Variants in TFAP2E observed in about 807,000 individuals in gnomAD.
TFAP2E encodes the protein transcription factor AP-2-epsilon.
In TFAP2E, 30 loss-of-function variants were observed where a neutral mutation model predicts 37.9. The observed-to-expected ratio is 0.79, with a 90% confidence interval of 0.59 to 1.07. The LOEUF is 1.07. TFAP2E is among the 50% of genes least tolerant of loss of function. TFAP2E has a pLI of 0.00. For synonymous variants in TFAP2E, 318 were observed against 295.8 expected (o/e 1.08, Z -0.77); for missense variants, 567 against 637.9 (o/e 0.89, Z 1.20).
chr1:35,583,516 G>A (rs1316998671), intron 3 of TFAP2E, among the ~76,000 whole-genome samples: 1 of 151,970 alleles, frequency 6.6e-6, no homozygotes, highest in Non-Finnish European at 1.5e-5. Context: ...CACTTGCCTA[G>A]GTTCAGAAGT....
At position 35,573,521 on chromosome 1, in the gene TFAP2E, C is replaced by A; in HGVS notation, c.-57C>A. The A allele has an allele frequency of 6.8e-7, 1 of 1,462,310 alleles. No individual in the cohort carries two copies. Among genetic ancestry groups the A allele is most frequent in the Non-Finnish European group, 9.0e-7 (1 of 1,109,938 alleles). The allele number at this position is 1,462,310 out of a possible 1,614,324, so 90.6% of individuals were successfully genotyped here. A position where few individuals can be genotyped will look rare whatever the true frequency, so the allele number is the denominator to read the frequency against. On this transcript the variant is annotated 5_prime_UTR_variant, in exon 1 of 7. Coordinates refer to ENST00000373235, the MANE Select transcript of TFAP2E (RefSeq NM_178548.4). This position sits in a 1 kb window ranked among gnomAD's most constrained non-coding sequence, Gnocchi z 5.9. ...TCCCGGCGCCTCTGCCCGCAGCGCTCGCCGTCGGGCTAGGGCTCCGCCGCC... is the reference window on the plus strand; with the variant it reads ...TCCCGGCGCCTCTGCCCGCAGCGCTAGCCGTCGGGCTAGGGCTCCGCCGCC...
chr1:35,593,010 A>G (rs1299443633), intron 6 of TFAP2E, among the ~76,000 whole-genome samples: 1 of 152,162 alleles, frequency 6.6e-6, no homozygotes, highest in Non-Finnish European at 1.5e-5. Flanking sequence ...TCCCACTGCA[A>G]GAAAAGACAG....
At position 35,590,827 on chromosome 1, in the gene TFAP2E, C is replaced by A; in HGVS notation, c.1046+52C>A. The A allele has an allele frequency of 7.4e-7, 1 of 1,347,992 alleles. No homozygotes were observed. The highest frequency in any genetic ancestry group is 9.7e-7 in the Non-Finnish European group (1 of 1,035,168). 83.5% of individuals were successfully genotyped at this position (1,347,992 alleles called of 1,614,324 possible). A position where few individuals can be genotyped will look rare whatever the true frequency, so the allele number is the denominator to read the frequency against. ...CACGTGGGTGCCATGCACAGACAGA[C>A]ATCATGTATGGGCACAATGGACACC... On this transcript the variant is annotated intron_variant, in intron 6 of 6. Transcript: ENST00000373235. This position sits in a 1 kb window ranked among gnomAD's most constrained non-coding sequence, Gnocchi z 6.2.
intron 2 of TFAP2E, 31 bp from the exon 3 acceptor site, chr1:35,574,918 C>A (rs1256588816): frequency 6.2e-7 from 1 of 1,613,208 alleles, no homozygotes; most frequent in Non-Finnish European, 8.5e-7. Context: ...GGGCTTTATG[C>A]GCCCTCACCG....
rs555438365 is a variant in TFAP2E at position 35,593,866 on chromosome 1, C to T, written c.1047-528C>T. Reference sequence around the variant, plus strand: ...ACCTTGACAGGTCATCCAACCTGTCCGAAACCAGTTTTCTTGTCCGTATGA... The same window carrying T: ...ACCTTGACAGGTCATCCAACCTGTCTGAAACCAGTTTTCTTGTCCGTATGA... On this transcript the variant is annotated intron_variant, in intron 6 of 6. Transcript: ENST00000373235. Among the ~76,000 whole-genome samples, 44 of 152,276 alleles carry T rather than the reference C, an allele frequency of 2.9e-4. No individual in the cohort carries two copies. In the South Asian group the frequency reaches 8.5e-3, roughly 29 times the overall value.
chr1:35,574,040 C>G lies in TFAP2E; in HGVS notation c.141C>G (p.Ala47=). 1 of 1,485,024 alleles carries G rather than the reference C, an allele frequency of 6.7e-7. No individual in the cohort carries two copies. Among genetic ancestry groups the G allele is most frequent in the South Asian group, 1.2e-5 (1 of 80,184 alleles). 92.0% of individuals were successfully genotyped at this position (1,485,024 alleles called of 1,614,324 possible). ...PLCHTPAATA[A]AEFQPPYFPP... ...GCCACACGCCGGCCGCCACAGCTGCCGCCGAATTCCAGCCGCCCTACTTCC... is the reference window on the plus strand; with the variant it reads ...GCCACACGCCGGCCGCCACAGCTGCGGCCGAATTCCAGCCGCCCTACTTCC... Residue 47 remains alanine (A), a synonymous_variant, in exon 2 of 7, where the codon GCC becomes GCG. Coordinates refer to ENST00000373235, the MANE Select transcript of TFAP2E (RefSeq NM_178548.4).
chr1:35,590,130 GGT>G lies in TFAP2E; in HGVS notation c.904+87_904+88del. 4 of 1,312,430 alleles carry G rather than the reference GGT, an allele frequency of 3.0e-6. No individual in the cohort carries two copies. The highest frequency in any genetic ancestry group is 4.4e-6 in the Non-Finnish European group (4 of 910,806). The allele number at this position is 1,312,430 out of a possible 1,614,324, so 81.3% of individuals were successfully genotyped here. On this transcript the variant is annotated intron_variant, in intron 5 of 6. Coordinates refer to ENST00000373235, the MANE Select transcript of TFAP2E (RefSeq NM_178548.4). The surrounding 1 kb of genome is among the most constrained non-coding windows in gnomAD (Gnocchi z 6.2). ...GGTGTGACTGTCTCTAATGCAGGAGGGTGTGTTTAGTGGTGTGTGTGTATCCG... is the reference window on the plus strand; with the variant it reads ...GGTGTGACTGTCTCTAATGCAGGAGGGTGTTTAGTGGTGTGTGTGTATCCG...
At chr1:35,582,948 G>A (rs1649393335) in intron 3 of TFAP2E, among the ~76,000 whole-genome samples, 1 of 151,674 alleles carries the variant, frequency 6.6e-6, no homozygotes, top group Admixed American at 6.6e-5. Context: ...TGTCGCCCAG[G>A]CTGGAGTGCA....
Position 35,589,923 on chromosome 1 carries a change from T to C in TFAP2E, c.786-7T>C, listed in dbSNP as rs774444950. Reference sequence around the variant, plus strand: ...TTGTATGTCTGTCTGTCTCTGTGCATGTCAAGGGCCAAGTCCAAAAATGGG... The same window carrying C: ...TTGTATGTCTGTCTGTCTCTGTGCACGTCAAGGGCCAAGTCCAAAAATGGG... On this transcript the variant is annotated splice_region_variant and splice_polypyrimidine_tract_variant and intron_variant, in intron 4 of 6. Transcript: ENST00000373235. 4 of 1,613,852 alleles carry C rather than the reference T, an allele frequency of 2.5e-6. No homozygotes were observed. The highest frequency in any genetic ancestry group is 2.2e-5 in the East Asian group (1 of 44,874).
In TFAP2E at chr1:35,573,474, G is replaced by T; in HGVS notation, c.-104G>T. On this transcript the variant is annotated 5_prime_UTR_variant, in exon 1 of 7. Transcript: ENST00000373235. This position sits in a 1 kb window ranked among gnomAD's most constrained non-coding sequence, Gnocchi z 5.9. ...GGGTCGCACCCAGCTACCGCACCGT[G>T]ACCTCCGCGGGCTGTGCCGGCTCCC... The T allele has an allele frequency of 7.4e-7, 1 of 1,359,002 alleles. No homozygotes were observed. The highest frequency in any genetic ancestry group is 1.8e-5 in the South Asian group (1 of 56,614). The allele number at this position is 1,359,002 out of a possible 1,614,324, so 84.2% of individuals were successfully genotyped here. A position where few individuals can be genotyped will look rare whatever the true frequency, so the allele number is the denominator to read the frequency against.
intron 3 of TFAP2E, among the ~76,000 whole-genome samples, chr1:35,580,071 A>G (rs1649302807): frequency 1.3e-5 from 2 of 152,078 alleles, no homozygotes; most frequent in South Asian, 2.1e-4. Context: ...TTAGCCAGGC[A>G]TGGTGGTGCA....
In TFAP2E at chr1:35,574,313, G is replaced by T; in HGVS notation, c.414G>T (p.Arg138=). 1 of 1,456,062 alleles carries T rather than the reference G, an allele frequency of 6.9e-7. No individual in the cohort carries two copies. The highest frequency in any genetic ancestry group is 1.3e-5 in the South Asian group (1 of 76,640). The allele number at this position is 1,456,062 out of a possible 1,614,324, so 90.2% of individuals were successfully genotyped here. ...PRRDYATAVP[R]LLHGLADGAH... The stretch of plus-strand genomic sequence containing the variant: ...GTGACTATGCCACTGCCGTGCCCCG[G>T]CTCCTGCACGGCCTGGCCGACGGCG... The change falls in exon 2 of 7, where the codon CGG becomes CGT. Residue 138 remains arginine (R), a synonymous_variant. Coordinates refer to ENST00000373235, the MANE Select transcript of TFAP2E (RefSeq NM_178548.4).
In TFAP2E at chr1:35,590,308, G is replaced by C. The variant is rs1471989652; in HGVS notation, c.904+260G>C. Among the ~76,000 whole-genome samples, 1 of 151,760 alleles carries C rather than the reference G, an allele frequency of 6.6e-6. No individual in the cohort carries two copies. The highest frequency in any genetic ancestry group is 1.5e-5 in the Non-Finnish European group (1 of 68,000). On this transcript the variant is annotated intron_variant, in intron 5 of 6. Transcript: ENST00000373235. The surrounding 1 kb of genome is among the most constrained non-coding windows in gnomAD (Gnocchi z 6.2). ...TGTGTATGTGGGTGTGGGTGTGGGT[G>C]TGTGGGTGTGTGTGTTGGCGGGGAG...
chr1:35,589,969 G>A lies in TFAP2E; in HGVS notation c.825G>A (p.Arg275=). ...ATGGGGGCCGGTGTTTGCGGGAACG[G>A]TTAGAGAAGATTGGGCTCAACCTGC... ...SKNGGRCLRE[R]LEKIGLNLPA... Residue 275 remains arginine, a synonymous_variant, in exon 5 of 7, where the codon CGG becomes CGA. Transcript: ENST00000373235. The A allele has an allele frequency of 1.2e-6, 2 of 1,614,130 alleles. No individual in the cohort carries two copies. Among genetic ancestry groups the A allele is most frequent in the Non-Finnish European group, 1.7e-6 (2 of 1,179,992 alleles).
chr1:35,577,377 T>A lies in TFAP2E; in HGVS notation c.562+2377T>A. On this transcript the variant is annotated intron_variant, in intron 3 of 6. Transcript: ENST00000373235. The surrounding 1 kb of genome is among the most constrained non-coding windows in gnomAD (Gnocchi z 6.3). ...GCGTTGCCGCCAGCCCAGTGGGGAG[T>A]GAATTAGCGCCCTCCTTCGTCCTCG... The A allele has an allele frequency of 2.2e-6, 1 of 456,362 alleles. No individual in the cohort carries two copies. Among genetic ancestry groups the A allele is most frequent in the Non-Finnish European group, 4.4e-6 (1 of 226,876 alleles). The allele number at this position is 456,362 out of a possible 1,614,324, so 28.3% of individuals were successfully genotyped here. A position where few individuals can be genotyped will look rare whatever the true frequency, so the allele number is the denominator to read the frequency against.
In TFAP2E at chr1:35,588,204, T is replaced by G; in HGVS notation, c.563-126T>G. The G allele has an allele frequency of 1.1e-6, 1 of 923,574 alleles. No homozygotes were observed. The highest frequency in any genetic ancestry group is 1.8e-5 in the South Asian group (1 of 54,690). The allele number at this position is 923,574 out of a possible 1,614,324, so 57.2% of individuals were successfully genotyped here. On this transcript the variant is annotated intron_variant, in intron 3 of 6. Coordinates refer to ENST00000373235, the MANE Select transcript of TFAP2E (RefSeq NM_178548.4). This position sits in a 1 kb window ranked among gnomAD's most constrained non-coding sequence, Gnocchi z 5.1. ...GTTCACATCCATCAGTTGAGGGAAC[T>G]TGGGCGAGTCACTTTCACCTCACTG...
At chr1:35,574,816 T>C (rs575124828) in intron 2 of TFAP2E, 133 bp from the exon 3 acceptor site, 67 of 1,183,590 alleles carry the variant, frequency 5.7e-5, no homozygotes, top group Non-Finnish European at 7.5e-5. Flanking sequence ...TTCCTGGGCC[T>C]GCCCGTCGCC....
In TFAP2E at chr1:35,574,965, G is replaced by A; in HGVS notation, c.527G>A (p.Gly176Glu). 6.2e-7 allele frequency: 1 copy of A among 1,614,024 alleles called. No homozygotes were observed. The highest frequency in any genetic ancestry group is 8.5e-7 in the Non-Finnish European group (1 of 1,180,016). Residue 176 changes from glycine (G) to glutamate (E), a missense_variant, in exon 3 of 7, where the codon GGA becomes GAA. Physicochemically the swap from Gly to Glu is moderately conservative, Grantham distance 98 (BLOSUM62 -2). Around this residue, in one of 3 missense-constraint regions of TFAP2E, gnomAD observed 312 missense variants for 317.4 expected, o/e 0.98. Transcript: ENST00000373235. ...LEDLQAMDEP[G>E]MSLLDQSVIK... ...TATTTGCAGGCAATGGACGAGCCGG[G>A]AATGAGCCTCCTAGACCAGTCCGTG...
chr1:35,573,811 G>GC lies in TFAP2E; in HGVS notation c.28-112dup. ...CGGGTGGCTCGGAAATAAACCTCGG[G>GC]CCCCAAGAAACGGGAGGGACTGCAG... On this transcript the variant is annotated intron_variant, in intron 1 of 6. Coordinates refer to ENST00000373235, the MANE Select transcript of TFAP2E (RefSeq NM_178548.4). The surrounding 1 kb of genome is among the most constrained non-coding windows in gnomAD (Gnocchi z 5.9). The GC allele has an allele frequency of 1.5e-6, 2 of 1,377,726 alleles. No individual in the cohort carries two copies. Among genetic ancestry groups the GC allele is most frequent in the Non-Finnish European group, 1.9e-6 (2 of 1,062,416 alleles). The allele number at this position is 1,377,726 out of a possible 1,614,324, so 85.3% of individuals were successfully genotyped here.
Sources: allele counts gnomAD v4.1 joint callset (sites outside exome capture counted in the v4.1 genomes callset), GRCh38; gene constraint gnomAD v4.1.1; regional missense constraint gnomAD v4.1.1; non-coding constraint Gnocchi (gnomAD v3.1); transcripts MANE v1.5; gene names NCBI Gene and HGNC (gene_info 2026-07-23, HGNC 2026-07-21).